Variants in SLC1A2 observed in about 807,000 individuals in gnomAD.
SLC1A2 encodes solute carrier family 1 member 2.
A neutral mutation model predicts 48.8 loss-of-function variants in SLC1A2; 15 were observed. That is an observed-to-expected ratio of 0.31 (90% CI 0.21 to 0.47). The LOEUF (loss-of-function observed/expected upper bound fraction) is 0.47, where lower values mean the gene tolerates loss of function less well. Ranked by LOEUF, SLC1A2 falls within the 20% of genes least tolerant of loss-of-function variation. The probability of loss-of-function intolerance (pLI) is 0.99; values close to 1 mark genes in which losing one functional copy is unlikely to be tolerated. For synonymous variants in SLC1A2, 279 were observed against 272.6 expected, an observed-to-expected ratio of 1.02 and a Z score of -0.23; for missense variants, 502 against 730.5, an observed-to-expected ratio of 0.69 and a Z score of 3.61.
intron 9 of SLC1A2, among the ~76,000 whole-genome samples, chr11:35,266,102 A>G (rs930668847): frequency 3.9e-5 from 6 of 152,370 alleles, no homozygotes; most frequent in African/African-American, 1.2e-4. Context: ...TGTCCAAATC[A>G]GAACTAGTAC....
chr11:35,329,432 T>A (rs1340969231), intron 1 of SLC1A2, among the ~76,000 whole-genome samples: 1 of 152,204 alleles, frequency 6.6e-6, no homozygotes, highest in Admixed American at 6.5e-5. Context: ...GTGGGTGATG[T>A]TGACAGTTGG....
chr11:35,274,561 TTGTG>T (rs199559536), intron 9 of SLC1A2, among the ~76,000 whole-genome samples: 31 of 150,600 alleles, frequency 2.1e-4, no homozygotes, highest in African/African-American at 7.3e-4. Context: ...TTAGTTAAGT[TTGTG>T]TGTGTGTGTG....
chr11:35,413,181 C>T lies in SLC1A2; in HGVS notation c.17+5769G>A, dbSNP rs184841296. On this transcript the variant is annotated intron_variant, in intron 1 of 10. Coordinates refer to ENST00000278379, the MANE Select transcript of SLC1A2 (RefSeq NM_004171.4). ...AAAAGTAGTCTCAGAACAGACTGTG[C>T]CCAACCTGAAAGGCATATGCCCTAT... Among the ~76,000 whole-genome samples the T allele has an allele frequency of 5.1e-3, 781 of 152,294 alleles. 5 individuals are homozygous for T. Among genetic ancestry groups the T allele is most frequent in the African/African-American group, 0.018 (746 of 41,552 alleles).
intron 1 of SLC1A2, among the ~76,000 whole-genome samples, chr11:35,383,695 T>C (rs1854501169): frequency 6.6e-6 from 1 of 152,240 alleles, no homozygotes; most frequent in South Asian, 2.1e-4. Context: ...AGGTTCTATA[T>C]AAGTTGTTGC....
At chr11:35,269,008 C>A (rs1186325944) in intron 9 of SLC1A2, among the ~76,000 whole-genome samples, 1 of 152,174 alleles carries the variant, frequency 6.6e-6, no homozygotes, top group Non-Finnish European at 1.5e-5. Context: ...CCCCAAAATT[C>A]ATATGACGAA....
In SLC1A2 at chr11:35,255,466, A is replaced by G. The variant is rs1485456414; in HGVS notation, c.*5428T>C. On this transcript the variant is annotated 3_prime_UTR_variant, in exon 11 of 11. Transcript: ENST00000278379. The stretch of plus-strand genomic sequence containing the variant: ...AATGAATTTGCGGGCTTACTTGTGA[A>G]TGGGTGTGCATGTCTACATACTGGC... 1 of 152,352 alleles carries G rather than the reference A, an allele frequency of 6.6e-6. No individual in the cohort carries two copies. The highest frequency in any genetic ancestry group is 1.5e-5 in the Non-Finnish European group (1 of 68,126). 9.4% of individuals were successfully genotyped at this position (152,352 alleles called of 1,614,324 possible). A position where few individuals can be genotyped will look rare whatever the true frequency, so the allele number is the denominator to read the frequency against.
At chr11:35,342,166 C>A (rs1411534924) in intron 1 of SLC1A2, among the ~76,000 whole-genome samples, 2 of 152,092 alleles carry the variant, frequency 1.3e-5, no homozygotes, top group Non-Finnish European at 2.9e-5. Context: ...TAGGCTTTTA[C>A]GTTTAAAATA....
At chr11:35,305,995 A>G in intron 5 of SLC1A2, 79 bp downstream of exon 5, 2 of 1,344,290 alleles carry the variant, frequency 1.5e-6, no homozygotes, top group Non-Finnish European at 2.1e-6. Context: ...CAGCTGAGTC[A>G]TCAGTTTTCT....
At chr11:35,276,069 T>C (rs1028604479) in intron 9 of SLC1A2, among the ~76,000 whole-genome samples, 1 of 152,246 alleles carries the variant, frequency 6.6e-6, no homozygotes, top group Non-Finnish European at 1.5e-5. Flanking sequence ...AAAGGAATGC[T>C]CGTGCTTATT....
chr11:35,255,558 G>A lies in SLC1A2; in HGVS notation c.*5336C>T, dbSNP rs187637125. On this transcript the variant is annotated 3_prime_UTR_variant, in exon 11 of 11. Transcript: ENST00000278379. ...AAGTGTTGTACCAAATTTCAAAAGAGTGATCAAGGTTATTCACCAAAGGCT... is the reference window on the plus strand; with the variant it reads ...AAGTGTTGTACCAAATTTCAAAAGAATGATCAAGGTTATTCACCAAAGGCT... 89 of 152,344 alleles carry A rather than the reference G, an allele frequency of 5.8e-4. 1 individual carries two copies. The highest frequency in any genetic ancestry group is 5.8e-3 in the Admixed American group (89 of 15,298). 9.4% of individuals were successfully genotyped at this position (152,344 alleles called of 1,614,324 possible). A position where few individuals can be genotyped will look rare whatever the true frequency, so the allele number is the denominator to read the frequency against.
intron 4 of SLC1A2, among the ~76,000 whole-genome samples, chr11:35,306,608 C>T (rs376274374): frequency 1.3e-5 from 2 of 152,328 alleles, no homozygotes; most frequent in Admixed American, 6.5e-5. Flanking sequence ...TCCAACTCTG[C>T]TATCAAACAT....
intron 10 of SLC1A2, chr11:35,264,794 G>T (rs1345355381): frequency 6.6e-6 from 1 of 152,170 alleles, no homozygotes; most frequent in Non-Finnish European, 1.5e-5. Flanking sequence ...ATAAGAAAAA[G>T]ATAGTTGTGT....
chr11:35,311,987 GA>G (rs1234341730), intron 4 of SLC1A2, among the ~76,000 whole-genome samples: 2 of 131,240 alleles, frequency 1.5e-5, no homozygotes, highest in African/African-American at 2.8e-5. Context: ...AAGTGAGCTG[GA>G]AAAAAAGGGA....
chr11:35,362,983 T>C (rs534138825), intron 1 of SLC1A2, among the ~76,000 whole-genome samples: 25 of 152,338 alleles, frequency 1.6e-4, no homozygotes, highest in African/African-American at 6.0e-4. Flanking sequence ...CCTGATGAGG[T>C]AGCACTACTA....
At chr11:35,333,827 A>ATTTTTT (rs373988431) in intron 1 of SLC1A2, among the ~76,000 whole-genome samples, 12 of 126,174 alleles carry the variant, frequency 9.5e-5, no homozygotes, top group African/African-American at 1.8e-4. Context: ...ATGCCAGCTA[A>ATTTTTT]TTTTTTTTTT....
At chr11:35,351,678 C>G (rs1252335112) in intron 1 of SLC1A2, among the ~76,000 whole-genome samples, 1 of 151,804 alleles carries the variant, frequency 6.6e-6, no homozygotes, top group Non-Finnish European at 1.5e-5. Flanking sequence ...CTCTGTTGCC[C>G]AGGCCAGAGT....
intron 9 of SLC1A2, among the ~76,000 whole-genome samples, chr11:35,277,057 C>G (rs1264877356): frequency 6.6e-6 from 1 of 152,118 alleles, no homozygotes; most frequent in Non-Finnish European, 1.5e-5. Context: ...TGAATTCACC[C>G]TTTTATAATG....
In SLC1A2 at chr11:35,394,137, T is replaced by C. The variant is rs114360687; in HGVS notation, c.17+24813A>G. On this transcript the variant is annotated intron_variant, in intron 1 of 10. Coordinates refer to ENST00000278379, the MANE Select transcript of SLC1A2 (RefSeq NM_004171.4). ...AGCCCCAACCCTAGGGTCTAACTTT[T>C]TTTTTAAGTAAACTCCTCCTACCCA... 6.6e-3 allele frequency among the ~76,000 whole-genome samples: 1,002 copies of C among 152,260 alleles called. 12 individuals are homozygous for C. Among genetic ancestry groups the C allele is most frequent in the African/African-American group, 0.023 (940 of 41,556 alleles).
chr11:35,420,032 C>T (rs1009579158), upstream of SLC1A2: 5 of 414,606 alleles, frequency 1.2e-5, no homozygotes, highest in Admixed American at 8.5e-5. Context: ...TGCGCTCCCT[C>T]CCCCGCCGAA....
Sources: allele counts gnomAD v4.1 joint callset (sites outside exome capture counted in the v4.1 genomes callset), GRCh38; gene constraint gnomAD v4.1.1; transcripts MANE v1.5; gene names NCBI Gene and HGNC (gene_info 2026-07-23, HGNC 2026-07-21).